The following PALM2AKAP2 variants were observed in gnomAD, a reference collection of about 807,000 sequenced individuals.
PALM2AKAP2 encodes PALM2 and AKAP2 fusion, also known as PALM2-AKAP2 fusion protein.
A neutral mutation model predicts 71.5 loss-of-function variants in PALM2AKAP2; 37 were observed. That is an observed-to-expected ratio of 0.52 (90% confidence interval 0.40 to 0.68). The LOEUF is 0.68. PALM2AKAP2 is among the 30% of genes least tolerant of loss of function. The pLI is 0.00. For missense variants in PALM2AKAP2, 1,224 were observed against 1,191.8 expected (o/e 1.03, Z -0.40); for synonymous variants, 468 against 478.8 (o/e 0.98, Z 0.29).
At chr9:109,880,278 A>G (rs1333607696) in intron 2 of PALM2AKAP2, among the ~76,000 whole-genome samples, 1 of 152,230 alleles carries the variant, frequency 6.6e-6, no homozygotes, top group Non-Finnish European at 1.5e-5. Flanking sequence ...ATATGGCAAA[A>G]TGTTCATAAT....
At chr9:110,035,504 ATATG>A in intron 7 of PALM2AKAP2, among the ~76,000 whole-genome samples, 1 of 132,534 alleles carries the variant, frequency 7.5e-6, no homozygotes, top group South Asian at 2.4e-4. Flanking sequence ...CATATATATG[ATATG>A]TTGTGTGTTA....
chr9:109,881,915 C>T (rs999394500), intron 3 of PALM2AKAP2, among the ~76,000 whole-genome samples: 3 of 123,830 alleles, frequency 2.4e-5, no homozygotes, highest in Admixed American at 1.0e-4. Context: ...GATGGAGTCT[C>T]GCTCTGTCAC....
At chr9:109,667,848 G>A (rs1827512512) in intron 1 of PALM2AKAP2, among the ~76,000 whole-genome samples, 1 of 151,808 alleles carries the variant, frequency 6.6e-6, no homozygotes, top group African/African-American at 2.4e-5. Context: ...TATAGCTCAG[G>A]ATAGGTTAGT....
intron 7 of PALM2AKAP2, among the ~76,000 whole-genome samples, chr9:110,041,003 C>G (rs1833503592): frequency 1.3e-5 from 2 of 152,180 alleles, no homozygotes; most frequent in Admixed American, 1.3e-4. Flanking sequence ...GCTTCAGTTG[C>G]TAAATGAGAT....
At chr9:110,035,376 A>G (rs1299895684) in intron 7 of PALM2AKAP2, among the ~76,000 whole-genome samples, 1 of 65,484 alleles carries the variant, frequency 1.5e-5, no homozygotes, top group Non-Finnish European at 2.6e-5. Context: ...TATTATATAC[A>G]TATATTATAT....
chr9:109,896,962 A>C (rs1396207287), intron 3 of PALM2AKAP2, among the ~76,000 whole-genome samples: 1 of 152,210 alleles, frequency 6.6e-6, no homozygotes, highest in Non-Finnish European at 1.5e-5. Flanking sequence ...TCCAGTAATT[A>C]GTTTCAAGTT....
intron 6 of PALM2AKAP2, among the ~76,000 whole-genome samples, chr9:109,981,058 C>T (rs2132194211): frequency 6.6e-6 from 1 of 152,268 alleles, no homozygotes; most frequent in East Asian, 1.9e-4. Flanking sequence ...CACTAAAGTA[C>T]ATAGAATAGT....
intron 7 of PALM2AKAP2, among the ~76,000 whole-genome samples, chr9:110,038,786 A>G (rs1448754242): frequency 1.3e-5 from 2 of 151,668 alleles, no homozygotes; most frequent in Non-Finnish European, 2.9e-5. Flanking sequence ...TAAAAATACA[A>G]AAAAATTACC....
chr9:110,027,554 A>G (rs1474477449), intron 7 of PALM2AKAP2, among the ~76,000 whole-genome samples: 2 of 152,254 alleles, frequency 1.3e-5, no homozygotes, highest in African/African-American at 4.8e-5. Context: ...TGCTTGAACA[A>G]GAAACAAGGT....
chr9:109,862,805 A>G, intron 1 of PALM2AKAP2: 1 of 462,164 alleles, frequency 2.2e-6, no homozygotes, highest in East Asian at 6.7e-5. Flanking sequence ...TCATAGATGA[A>G]TTGTTTTTTG....
intron 1 of PALM2AKAP2, among the ~76,000 whole-genome samples, chr9:109,846,658 G>T (rs1183486722): frequency 3.9e-5 from 6 of 152,314 alleles, no homozygotes; most frequent in African/African-American, 1.2e-4. Flanking sequence ...GGACCATGCA[G>T]TCTTCCTGGT....
intron 6 of PALM2AKAP2, among the ~76,000 whole-genome samples, chr9:109,973,509 A>C (rs976347090): frequency 6.6e-6 from 1 of 152,204 alleles, no homozygotes; most frequent in Non-Finnish European, 1.5e-5. Flanking sequence ...TGGCACGTGT[A>C]GCTTATATTC....
chr9:110,115,848 T>C (rs1835350095), intron 1 of PALM2AKAP2, among the ~76,000 whole-genome samples: 1 of 152,216 alleles, frequency 6.6e-6, no homozygotes, highest in African/African-American at 2.4e-5. Flanking sequence ...GATCAAACCA[T>C]TTTCCTGTTG....
intron 1 of PALM2AKAP2, among the ~76,000 whole-genome samples, chr9:109,686,554 A>G (rs1339891321): frequency 2.6e-5 from 4 of 152,192 alleles, no homozygotes; most frequent in Non-Finnish European, 5.9e-5. Flanking sequence ...TGGGCTTAAA[A>G]TATTCAGTAA....
rs533774607 is a variant in PALM2AKAP2, at chr9:109,838,403, T to C, written c.46-29088T>C. Among the ~76,000 whole-genome samples the C allele has an allele frequency of 1.4e-3, 219 of 152,292 alleles. 3 individuals carry two copies. The South Asian group carries it at 0.021, about 15-fold the overall frequency. On this transcript the variant is annotated intron_variant, in intron 1 of 9. Transcript: ENST00000302798. ...GTGTGTAGAGGGAAATTTATAGCAC[T>C]AAATGCCCACAAGAGAAAGCAGGAA... is the stretch of plus-strand genomic sequence containing the variant.
chr9:110,053,434 A>G (rs1564280689), intron 1 of PALM2AKAP2, among the ~76,000 whole-genome samples: 1 of 144,570 alleles, frequency 6.9e-6, no homozygotes. Flanking sequence ...AGGCTGAGGT[A>G]GGAGAATTGA....
chr9:109,702,336 C>G (rs548375832), intron 1 of PALM2AKAP2, among the ~76,000 whole-genome samples: 1 of 152,134 alleles, frequency 6.6e-6, no homozygotes, highest in Non-Finnish European at 1.5e-5. Context: ...AGACTTGGAA[C>G]CAACCCAAAT....
At chr9:110,016,950 G>T (rs1374454611) in intron 7 of PALM2AKAP2, among the ~76,000 whole-genome samples, 2 of 152,118 alleles carry the variant, frequency 1.3e-5, no homozygotes. Context: ...TGCGATCTCG[G>T]CTCACTGCAA....
chr9:109,666,403 CT>C (rs1436686352), intron 1 of PALM2AKAP2, among the ~76,000 whole-genome samples: 1 of 152,188 alleles, frequency 6.6e-6, no homozygotes, highest in African/African-American at 2.4e-5. Flanking sequence ...GGAAAAACAA[CT>C]CTTAAATGCT....
Sources: allele counts gnomAD v4.1 joint callset (sites outside exome capture counted in the v4.1 genomes callset), GRCh38; gene constraint gnomAD v4.1.1; transcripts MANE v1.5; gene names NCBI Gene and HGNC (gene_info 2026-07-23, HGNC 2026-07-21).